GMDS: variants seen among roughly 807,000 people sequenced by gnomAD.
GMDS encodes the protein GDP-mannose 4,6-dehydratase.
GMDS carries 20 observed loss-of-function variants against 49.9 expected under a neutral mutation model. The observed-to-expected ratio is 0.40, with a 90% CI of 0.28 to 0.58. The LOEUF is 0.58. Ranked by LOEUF, GMDS falls within the 20% of genes least tolerant of loss-of-function variation. The pLI is 0.42. For missense variants in GMDS, 362 were observed against 481.4 expected (o/e 0.75, Z 2.32); for synonymous variants, 177 against 178.6 (o/e 0.99, Z 0.07).
intron 1 of GMDS, among the ~76,000 whole-genome samples, chr6:2,144,563 T>A (rs1289336267): frequency 6.6e-6 from 1 of 152,194 alleles, no homozygotes; most frequent in Non-Finnish European, 1.5e-5. Context: ...AAGGGAATAC[T>A]GCTTCCTGAA....
intron 7 of GMDS, among the ~76,000 whole-genome samples, chr6:1,785,817 A>T (rs1424171561): frequency 1.3e-5 from 2 of 152,236 alleles, no homozygotes; most frequent in Non-Finnish European, 2.9e-5. Flanking sequence ...GGTAGAGCTC[A>T]TCTCTGTGAG....
At chr6:1,942,349 A>G (rs1321745970) in intron 6 of GMDS, among the ~76,000 whole-genome samples, 1 of 152,160 alleles carries the variant, frequency 6.6e-6, no homozygotes, top group African/African-American at 2.4e-5. Context: ...GTGGCTGCTC[A>G]ATGCAGATTC....
intron 7 of GMDS, among the ~76,000 whole-genome samples, chr6:1,777,349 T>G (rs1471524771): frequency 6.6e-6 from 1 of 152,278 alleles, no homozygotes; most frequent in Non-Finnish European, 1.5e-5. Flanking sequence ...TCGGAGGATG[T>G]GTGATATTTT....
At chr6:1,888,134 A>ATTTT (rs56167840) in intron 7 of GMDS, among the ~76,000 whole-genome samples, 3 of 140,528 alleles carry the variant, frequency 2.1e-5, no homozygotes, top group Middle Eastern at 3.7e-3. Flanking sequence ...TATTATTATT[A>ATTTT]TTTTTTTTTT....
chr6:1,860,160 A>C (rs1758115802), intron 7 of GMDS, among the ~76,000 whole-genome samples: 1 of 152,238 alleles, frequency 6.6e-6, no homozygotes, highest in South Asian at 2.1e-4. Flanking sequence ...CTTTAATTAT[A>C]TATAACTTAA....
intron 9 of GMDS, among the ~76,000 whole-genome samples, chr6:1,701,767 C>A (rs1281875528): frequency 4.0e-5 from 6 of 151,760 alleles, no homozygotes; most frequent in Admixed American, 3.9e-4. Context: ...TAAATTCTTC[C>A]TTTCCATACC....
intron 9 of GMDS, among the ~76,000 whole-genome samples, chr6:1,723,413 G>T (rs539205056): frequency 6.8e-6 from 1 of 146,262 alleles, no homozygotes; most frequent in East Asian, 2.1e-4. Context: ...TGAAAGCTCC[G>T]CCTCCCGGGT....
intron 6 of GMDS, among the ~76,000 whole-genome samples, chr6:1,936,152 T>C (rs574179797): frequency 1.3e-5 from 2 of 152,318 alleles, no homozygotes; most frequent in African/African-American, 4.8e-5. Context: ...AGTGCTATTA[T>C]CTTAAGCAAG....
intron 4 of GMDS, among the ~76,000 whole-genome samples, chr6:1,996,940 T>C (rs1766318493): frequency 6.6e-6 from 1 of 151,920 alleles, no homozygotes; most frequent in South Asian, 2.1e-4. Flanking sequence ...AAGACCCTAG[T>C]CTTTTTTTTT....
chr6:2,183,504 G>A (rs952506108), intron 1 of GMDS, among the ~76,000 whole-genome samples: 5 of 152,196 alleles, frequency 3.3e-5, no homozygotes, highest in African/African-American at 1.2e-4. Flanking sequence ...AAAGAAAGTA[G>A]TCTGTTGAGA....
At chr6:2,094,491 G>A (rs1341141803) in intron 4 of GMDS, among the ~76,000 whole-genome samples, 1 of 152,252 alleles carries the variant, frequency 6.6e-6, no homozygotes, top group Non-Finnish European at 1.5e-5. Flanking sequence ...ATTCTAGACT[G>A]CTGAAAAGAG....
chr6:1,704,291 G>T (rs72840372), intron 9 of GMDS, among the ~76,000 whole-genome samples: 2 of 151,962 alleles, frequency 1.3e-5, no homozygotes, highest in Non-Finnish European at 2.9e-5. Context: ...GATTCAAGGC[G>T]GGGTGGGTGT....
At chr6:1,933,710 T>C (rs1762398199) in intron 6 of GMDS, among the ~76,000 whole-genome samples, 1 of 152,256 alleles carries the variant, frequency 6.6e-6, no homozygotes, top group African/African-American at 2.4e-5. Context: ...CATTTTTAAA[T>C]CGGATTACTT....
At chr6:1,935,885 T>A (rs912412893) in intron 6 of GMDS, among the ~76,000 whole-genome samples, 3 of 152,180 alleles carry the variant, frequency 2.0e-5, no homozygotes, top group Non-Finnish European at 2.9e-5. Context: ...ACTATTCCTA[T>A]TTTGTTAAAT....
chr6:2,018,600 G>T (rs1178257394), intron 4 of GMDS, among the ~76,000 whole-genome samples: 1 of 152,174 alleles, frequency 6.6e-6, no homozygotes, highest in Non-Finnish European at 1.5e-5. Context: ...ATACGTGGTG[G>T]TTTTTACTAA....
intron 2 of GMDS, among the ~76,000 whole-genome samples, chr6:2,123,399 C>T (rs762931069): frequency 1.3e-5 from 2 of 152,186 alleles, no homozygotes; most frequent in East Asian, 1.9e-4. Flanking sequence ...ACAAGTGCAG[C>T]GATTTCTGCT....
At chr6:1,971,862 GC>G (rs2127324167) in intron 4 of GMDS, among the ~76,000 whole-genome samples, 1 of 152,306 alleles carries the variant, frequency 6.6e-6, no homozygotes, top group East Asian at 1.9e-4. Flanking sequence ...GAAAGCATAT[GC>G]AGGGCTCTGT....
intron 7 of GMDS, among the ~76,000 whole-genome samples, chr6:1,815,719 CCTTT>C (rs1360063274): frequency 6.6e-6 from 1 of 152,148 alleles, no homozygotes; most frequent in Non-Finnish European, 1.5e-5. Context: ...ACTTCCAATC[CCTTT>C]CTTTTTGCTT....
intron 7 of GMDS, among the ~76,000 whole-genome samples, chr6:1,863,206 C>T (rs1290924901): frequency 6.6e-6 from 1 of 152,074 alleles, no homozygotes; most frequent in African/African-American, 2.4e-5. Context: ...TATCAATTAG[C>T]TCTTAGGAGG....
Sources: gnomAD v4.1 joint callset for allele counts (sites outside exome capture counted in the v4.1 genomes callset) on GRCh38, gnomAD v4.1.1 for gene constraint, MANE v1.5 for transcripts, NCBI Gene and HGNC (gene_info 2026-07-23, HGNC 2026-07-21) for gene names.